Variants in ABCA10 observed in about 807,000 individuals in gnomAD.
The protein encoded by ABCA10 is ATP-binding cassette sub-family A member 10.
A neutral mutation model predicts 187.5 loss-of-function variants in ABCA10; 169 were observed. The ratio of observed to expected loss-of-function variants is 0.90; its 90% CI spans 0.80 to 1.02. ABCA10 has a LOEUF of 1.02. Among genes scored for constraint, ABCA10 ranks in the 50% least tolerant of loss-of-function variants. The pLI is 0.00. For synonymous variants in ABCA10, 574 were observed against 601.8 expected (o/e 0.95, Z 0.68); for missense variants, 1,727 against 1,812.4 (o/e 0.95, Z 0.86).
chr17:69,170,623 A>C (rs1482211212), intron 25 of ABCA10, among the ~76,000 whole-genome samples: 1 of 152,122 alleles, frequency 6.6e-6, no homozygotes, highest in Non-Finnish European at 1.5e-5. Flanking sequence ...TGCAGTCTCA[A>C]AGTTAGTTGT....
chr17:69,172,903 G>A (rs79289074), intron 25 of ABCA10, among the ~76,000 whole-genome samples: 2,374 of 152,200 alleles, frequency 0.016, 63 homozygotes, highest in African/African-American at 0.053. Flanking sequence ...GTAAACACAA[G>A]TGGCAAAAAA....
intron 22 of ABCA10, 150 bp from the exon 23 acceptor site, chr17:69,175,663 T>G (rs955958531): frequency 2.4e-5 from 14 of 577,222 alleles, no homozygotes; most frequent in Non-Finnish European, 4.1e-5. Context: ...TTTGTTAACC[T>G]TAGTGGCAGG....
At position 69,219,712 on chromosome 17, in the gene ABCA10, C is replaced by A. The variant is rs768941992; in HGVS notation, c.363G>T (p.Lys121Asn). ...ELTSVIGINM[K>N]IPPFISKGEI... ...CTCCCTTAGAAATGAAAGGTGGTAT[C>A]TTCATATTTATTCCAATAACTGATG... Residue 121 changes from lysine (K) to asparagine (N), a missense_variant, in exon 6 of 39, where the codon AAG becomes AAT. Lys to Asn is a moderately conservative substitution (Grantham distance 94, BLOSUM62 0). Coordinates refer to ENST00000690296, the MANE Select transcript of ABCA10 (RefSeq NM_001377321.1). 1 of 1,610,242 alleles carries A rather than the reference C, an allele frequency of 6.2e-7. No individual in the cohort carries two copies. The highest frequency in any genetic ancestry group is 1.1e-5 in the South Asian group (1 of 89,686).
intron 36 of ABCA10, among the ~76,000 whole-genome samples, chr17:69,151,172 G>A (rs2074125325): frequency 2.0e-5 from 3 of 152,068 alleles, no homozygotes; most frequent in East Asian, 1.9e-4. Flanking sequence ...AACTACATGA[G>A]CTTTTGTTTC....
At chr17:69,216,727 T>C (rs1185294997) in intron 6 of ABCA10, among the ~76,000 whole-genome samples, 1 of 152,098 alleles carries the variant, frequency 6.6e-6, no homozygotes, top group East Asian at 1.9e-4. Flanking sequence ...AATGACTATA[T>C]AAAATGTCAG....
intron 16 of ABCA10, among the ~76,000 whole-genome samples, chr17:69,192,159 C>T (rs2074465051): frequency 6.6e-6 from 1 of 152,062 alleles, no homozygotes; most frequent in African/African-American, 2.4e-5. Context: ...CCCATCTCTA[C>T]TAAAAATACA....
intron 9 of ABCA10, among the ~76,000 whole-genome samples, chr17:69,207,534 G>T (rs534610841): frequency 3.7e-4 from 56 of 150,228 alleles, no homozygotes; most frequent in African/African-American, 3.9e-4. Flanking sequence ...TTGTGAGATA[G>T]ATATATATAT....
chr17:69,211,336 T>TACACC (rs1568070321), intron 9 of ABCA10, among the ~76,000 whole-genome samples: 1 of 117,514 alleles, frequency 8.5e-6, no homozygotes, highest in African/African-American at 4.1e-5. Flanking sequence ...TATATATATA[T>TACACC]ATATATATAT....
At chr17:69,243,237 T>C (rs1038099075) in intron 1 of ABCA10, among the ~76,000 whole-genome samples, 1 of 152,240 alleles carries the variant, frequency 6.6e-6, no homozygotes, top group Non-Finnish European at 1.5e-5. Context: ...CTGTATTTAT[T>C]TGAGAATCTT....
intron 1 of ABCA10, among the ~76,000 whole-genome samples, chr17:69,236,891 C>A (rs1002659725): frequency 6.6e-6 from 1 of 152,034 alleles, no homozygotes; most frequent in African/African-American, 2.4e-5. Flanking sequence ...AATTATCCAG[C>A]CCAAAATGTC....
At chr17:69,174,260 C>T (rs2074316783) in intron 25 of ABCA10, 21 bp downstream of exon 25, 4 of 1,467,056 alleles carry the variant, frequency 2.7e-6, no homozygotes, top group Non-Finnish European at 3.7e-6. Context: ...TATAAATGTG[C>T]ACGCATGTAT....
At chr17:69,176,849 A>G (rs1223237006) in intron 22 of ABCA10, among the ~76,000 whole-genome samples, 1 of 152,230 alleles carries the variant, frequency 6.6e-6, no homozygotes, top group Non-Finnish European at 1.5e-5. Context: ...CTGAAACCGC[A>G]GAAAGCAAAA....
chr17:69,154,419 A>C (rs1286953414), intron 30 of ABCA10, 93 bp from the exon 31 acceptor site: 2 of 661,554 alleles, frequency 3.0e-6, no homozygotes, highest in South Asian at 2.8e-5. Flanking sequence ...AAACAAAATG[A>C]CTTTTTTTTT....
intron 27 of ABCA10, among the ~76,000 whole-genome samples, chr17:69,162,948 C>T (rs1380989313): frequency 6.6e-6 from 1 of 151,796 alleles, no homozygotes; most frequent in Admixed American, 6.6e-5. Context: ...ATCGATTCTC[C>T]TGCCTCAGCC....
In ABCA10 at chr17:69,164,069, C is replaced by A; in HGVS notation, c.3363+5G>T. 1.3e-6 allele frequency: 2 copies of A among 1,534,830 alleles called. No individual in the cohort carries two copies. Among genetic ancestry groups the A allele is most frequent in the Admixed American group, 2.2e-5 (1 of 44,692 alleles). On this transcript the variant is annotated splice_donor_5th_base_variant and intron_variant, in intron 27 of 38. Coordinates refer to ENST00000690296, the MANE Select transcript of ABCA10 (RefSeq NM_001377321.1). ...ATATATATTTAGGTAGAAAATGTTC[C>A]TTACTATTAAGGTTGTTAAAAGAAT...
At chr17:69,157,559 G>A (rs1175792235) in intron 27 of ABCA10, among the ~76,000 whole-genome samples, 1 of 152,116 alleles carries the variant, frequency 6.6e-6, no homozygotes, top group Non-Finnish European at 1.5e-5. Flanking sequence ...TCGCTGGATG[G>A]TCAAAACAAA....
chr17:69,159,094 G>A (rs949511746), intron 27 of ABCA10, among the ~76,000 whole-genome samples: 3 of 151,708 alleles, frequency 2.0e-5, no homozygotes, highest in Admixed American at 6.6e-5. Context: ...AACAGGAAAG[G>A]GTGACCCACA....
At position 69,194,421 on chromosome 17, in the gene ABCA10, G is replaced by A; in HGVS notation, c.1309C>T (p.Leu437=). 1 of 1,612,940 alleles carries A rather than the reference G, an allele frequency of 6.2e-7. No homozygotes were observed. The highest frequency in any genetic ancestry group is 2.2e-5 in the East Asian group (1 of 44,762). Residue 437 remains leucine, a synonymous_variant, in exon 12 of 39, where the codon CTA becomes TTA. Coordinates refer to ENST00000690296, the MANE Select transcript of ABCA10 (RefSeq NM_001377321.1). ...GHNGAGKSTL[L]NILSGLSVST... ...ACAGACAATCCACTAAGAATGTTTA[G>A]CAGTGTTGATTTACCAGCTCCATTA...
intron 5 of ABCA10, among the ~76,000 whole-genome samples, chr17:69,220,308 G>A: frequency 6.6e-6 from 1 of 152,012 alleles, no homozygotes; most frequent in East Asian, 1.9e-4. Flanking sequence ...AAGGAAAGAA[G>A]GTGTATAGTG....
Sources: gnomAD v4.1 joint callset for allele counts (sites outside exome capture counted in the v4.1 genomes callset) on GRCh38, gnomAD v4.1.1 for gene constraint, MANE v1.5 for transcripts, NCBI Gene and HGNC (gene_info 2026-07-23, HGNC 2026-07-21) for gene names.